The following CIP2A variants were observed in gnomAD, a reference collection of about 807,000 sequenced individuals.
CIP2A encodes cellular inhibitor of PP2A, also known as protein CIP2A.
A neutral mutation model predicts 110.9 loss-of-function variants in CIP2A; 103 were observed. The observed-to-expected ratio is 0.93, with a 90% CI of 0.79 to 1.09. The LOEUF (loss-of-function observed/expected upper bound fraction) is 1.09, where lower values mean the gene tolerates loss of function less well. CIP2A is among the 50% of genes least tolerant of loss of function. The pLI is 0.00. For synonymous variants in CIP2A, 381 were observed against 361.6 expected (o/e 1.05, Z -0.61); for missense variants, 1,088 against 1,038.4 (o/e 1.05, Z -0.66).
intron 17 of CIP2A, 137 bp from the exon 18 acceptor site, chr3:108,554,626 C>G: frequency 1.9e-6 from 1 of 532,362 alleles, no homozygotes; most frequent in Non-Finnish European, 3.3e-6. Context: ...TATGAACAAG[C>G]AGGACATAAA....
At chr3:108,567,322 A>G (rs1232425493) in intron 10 of CIP2A, among the ~76,000 whole-genome samples, 2 of 151,690 alleles carry the variant, frequency 1.3e-5, no homozygotes, top group African/African-American at 2.4e-5. Flanking sequence ...AAAGGAAGAA[A>G]ATTAAGGAGC....
chr3:108,582,816 A>G (rs1460612314), intron 3 of CIP2A, among the ~76,000 whole-genome samples, 161 bp downstream of exon 3: 1 of 152,218 alleles, frequency 6.6e-6, no homozygotes, highest in Admixed American at 6.5e-5. Context: ...AAACATTTAA[A>G]TTGTATGTGT....
intron 7 of CIP2A, among the ~76,000 whole-genome samples, chr3:108,576,747 T>A (rs1156977222): frequency 1.3e-5 from 2 of 152,240 alleles, no homozygotes; most frequent in East Asian, 3.9e-4. Flanking sequence ...CACCTAAAAT[T>A]ACCAGGCATT....
chr3:108,579,811 T>C (rs572622810), intron 5 of CIP2A, 123 bp from the exon 6 acceptor site: 31 of 459,474 alleles, frequency 6.7e-5, no homozygotes, highest in African/African-American at 1.0e-4. Flanking sequence ...TATTAAATGA[T>C]TGTTGCATTT....
chr3:108,569,323 T>C, intron 9 of CIP2A, 66 bp downstream of exon 9: 2 of 1,162,806 alleles, frequency 1.7e-6, no homozygotes, highest in South Asian at 1.3e-5. Context: ...AAGAATGTTT[T>C]TGAAGACAAA....
Position 108,568,239 on chromosome 3 carries a change from G to T in CIP2A, c.1189C>A (p.Leu397Ile). The stretch of plus-strand genomic sequence containing the variant: ...TCTAGATTTTGTTCTGTGAACTGAA[G>T]TTGATCAAGGATTGTAGGCAGCAGA... ...TLLLPTILDQLQFTEQNLDEA... is the reference protein window; with the variant it reads ...TLLLPTILDQIQFTEQNLDEA... Residue 397 changes from leucine (L) to isoleucine (I), a missense_variant, in exon 10 of 21, where the codon CTT becomes ATT. Transcript: ENST00000295746. The T allele has an allele frequency of 6.2e-7, 1 of 1,612,260 alleles. No individual in the cohort carries two copies. Among genetic ancestry groups the T allele is most frequent in the Non-Finnish European group, 8.5e-7 (1 of 1,178,728 alleles).
intron 18 of CIP2A, 53 bp from the exon 19 acceptor site, chr3:108,553,783 G>C (rs936378536): frequency 1.0e-4 from 144 of 1,412,990 alleles, no homozygotes; most frequent in Non-Finnish European, 1.2e-4. Context: ...TATACCATTT[G>C]TAACTTTTTC....
chr3:108,569,372 G>A lies in CIP2A; in HGVS notation c.1113+17C>T, dbSNP rs778125894. 4 of 1,563,246 alleles carry A rather than the reference G, an allele frequency of 2.6e-6. No homozygotes were observed. The Admixed American group carries it at 5.0e-5, about 20-fold the overall frequency. The stretch of plus-strand genomic sequence containing the variant: ...GTCACAAAAGTAGAAAAGTCAATCT[G>A]TCAGTCATCCTATTACCTCAAATAT... On this transcript the variant is annotated intron_variant, in intron 9 of 20. Coordinates refer to ENST00000295746, the MANE Select transcript of CIP2A (RefSeq NM_020890.3).
rs557845813 is a variant in CIP2A, at chr3:108,585,351, T to C, written c.103-139A>G. ...AAAAATTCACACATGCTGTGAAAAA[T>C]TCACCCCTGCCTAGAGTACCCATCA... On this transcript the variant is annotated intron_variant, in intron 1 of 20. Coordinates refer to ENST00000295746, the MANE Select transcript of CIP2A (RefSeq NM_020890.3). 479 of 702,282 alleles carry C rather than the reference T, an allele frequency of 6.8e-4. 1 individual carries two copies. The highest frequency in any genetic ancestry group is 2.5e-3 in the African/African-American group (140 of 54,904). 43.5% of individuals were successfully genotyped at this position (702,282 alleles called of 1,614,324 possible). A position where few individuals can be genotyped will look rare whatever the true frequency, so the allele number is the denominator to read the frequency against.
chr3:108,585,594 C>A, intron 1 of CIP2A: 1 of 426,450 alleles, frequency 2.3e-6, no homozygotes, highest in Non-Finnish European at 4.6e-6. Flanking sequence ...GCGATGAAGG[C>A]ATAGCCTACA....
intron 8 of CIP2A, among the ~76,000 whole-genome samples, chr3:108,571,784 ATT>A (rs985350987): frequency 3.3e-5 from 5 of 152,134 alleles, no homozygotes; most frequent in African/African-American, 1.2e-4. Context: ...TATAAGTGAG[ATT>A]TCTGGGTCGT....
rs747401787 is a variant in CIP2A, at chr3:108,585,150, G to A, written c.165C>T (p.Cys55=). ...CAAGTAGCTCTACAAGGCAACTCAA[G>A]CATTCACTTGTTAATATCTGATTTG... ...FTSNQILTSE[C]LSCLVELLED... is the part of the protein sequence containing the mutation. The change falls in exon 2 of 21, where the codon TGC becomes TGT. Residue 55 remains cysteine (C), a synonymous_variant. Transcript: ENST00000295746. The A allele has an allele frequency of 5.8e-5, 93 of 1,613,170 alleles. 1 individual carries two copies. The highest frequency in any genetic ancestry group is 1.3e-5 in the African/African-American group (1 of 74,880).
chr3:108,568,284 C>G lies in CIP2A; in HGVS notation c.1144G>C (p.Ala382Pro). The change falls in exon 10 of 21, where the codon GCT (alanine) becomes CCT (proline). Residue 382 changes from alanine (A) to proline (P), a missense_variant. Physicochemically the swap from Ala to Pro is conservative, Grantham distance 27 (BLOSUM62 -1). Coordinates refer to ENST00000295746, the MANE Select transcript of CIP2A (RefSeq NM_020890.3). ...AGCAGAAGGGTCACAAAACGATCAG[C>G]CGAGGAACAGTTAGCAGCATCTATG... ...DVIDAANCSS[A>P]DRFVTLLLPT... is the part of the protein sequence containing the mutation. 6.2e-7 allele frequency: 1 copy of G among 1,611,882 alleles called. No individual in the cohort carries two copies. Among genetic ancestry groups the G allele is most frequent in the East Asian group, 2.2e-5 (1 of 44,786 alleles).
At position 108,559,864 on chromosome 3, in the gene CIP2A, T is replaced by C. The variant is rs376519054; in HGVS notation, c.1906A>G (p.Lys636Glu). 209 of 1,605,066 alleles carry C rather than the reference T, an allele frequency of 1.3e-4. No individual in the cohort carries two copies. Among genetic ancestry groups the C allele is most frequent in the Non-Finnish European group, 1.8e-4 (206 of 1,173,202 alleles). ...YEMKLSTLAS[K>E]ESRLQDLLET... The stretch of plus-strand genomic sequence containing the variant: ...AAAAGATCTTGTAGCCTGCTTTCTT[T>C]GGACTACAAGAAAACATATCATTAA... Residue 636 changes from lysine (K) to glutamate (E), a missense_variant, in exon 16 of 21, where the codon AAA becomes GAA. Coordinates refer to ENST00000295746, the MANE Select transcript of CIP2A (RefSeq NM_020890.3).
chr3:108,560,941 T>C, intron 13 of CIP2A, 100 bp from the exon 14 acceptor site: 1 of 676,780 alleles, frequency 1.5e-6, no homozygotes, highest in Non-Finnish European at 2.4e-6. Context: ...GGGTCCTTTT[T>C]TTGAATAGAA....
At chr3:108,554,601 G>T in intron 17 of CIP2A, 112 bp from the exon 18 acceptor site, 1 of 551,080 alleles carries the variant, frequency 1.8e-6, no homozygotes, top group African/African-American at 1.9e-5. Context: ...GCATATGCTG[G>T]AAGAGAAGGA....
In CIP2A at chr3:108,550,890, T is replaced by C. The variant is rs2083887649; in HGVS notation, c.*259A>G. On this transcript the variant is annotated 3_prime_UTR_variant, in exon 21 of 21. Coordinates refer to ENST00000295746, the MANE Select transcript of CIP2A (RefSeq NM_020890.3). ...AACCTTAGAAAAATGATAATGGAGG[T>C]TAAAAATGATTTTCTAATGTAAGAA... The C allele has an allele frequency of 9.2e-6, 2 of 218,376 alleles. No homozygotes were observed. The highest frequency in any genetic ancestry group is 1.8e-5 in the Non-Finnish European group (2 of 112,386). The allele number at this position is 218,376 out of a possible 1,614,324, so 13.5% of individuals were successfully genotyped here.
At position 108,566,529 on chromosome 3, in the gene CIP2A, T is replaced by G; in HGVS notation, c.1383A>C (p.Gly461=). The change falls in exon 11 of 21, where the codon GGA becomes GGC. Residue 461 remains glycine (G), a synonymous_variant. Transcript: ENST00000295746. ...QQFTYGKIDL[G]FGTKVADSEL... Reference sequence around the variant, plus strand: ...CAGAATCTGCAACCTTTGTTCCAAATCCCAGGTCAATCTTGCCATATGTAA... The same window carrying G: ...CAGAATCTGCAACCTTTGTTCCAAAGCCCAGGTCAATCTTGCCATATGTAA... The G allele has an allele frequency of 3.1e-6, 5 of 1,608,592 alleles. No homozygotes were observed. Among genetic ancestry groups the G allele is most frequent in the Non-Finnish European group, 3.4e-6 (4 of 1,177,186 alleles).
In CIP2A at chr3:108,589,280, G is replaced by C. The variant is rs1431591711; in HGVS notation, c.96C>G (p.His32Gln). The change falls in exon 1 of 21, where the codon CAC becomes CAG. Residue 32 changes from histidine to glutamine, a missense_variant. Coordinates refer to ENST00000295746, the MANE Select transcript of CIP2A (RefSeq NM_020890.3). ...CTACCCCAGAGCCTCTCACCTCCAA[G>C]TGCCGCAAAAGCTGAGTGGCGTTCG... ...SEANATQLLR[H>Q]LEVISGQKLT... 1 of 1,613,260 alleles carries C rather than the reference G, an allele frequency of 6.2e-7. No homozygotes were observed. Among genetic ancestry groups the C allele is most frequent in the Non-Finnish European group, 8.5e-7 (1 of 1,179,324 alleles).
Sources: gnomAD v4.1 joint callset for allele counts (sites outside exome capture counted in the v4.1 genomes callset) on GRCh38, gnomAD v4.1.1 for gene constraint, MANE v1.5 for transcripts, NCBI Gene and HGNC (gene_info 2026-07-23, HGNC 2026-07-21) for gene names.